Variants in HRH4 observed in about 807,000 individuals in gnomAD.
The protein encoded by HRH4 is histamine H4 receptor.
A neutral mutation model predicts 10.4 loss-of-function variants in HRH4; 12 were observed. The observed-to-expected ratio is 1.15, with a 90% CI of 0.74 to 1.87. HRH4 has a LOEUF of 1.87. HRH4 is among the 40% of genes most tolerant of loss of function. The pLI, the probability that HRH4 is intolerant of heterozygous loss-of-function variation, is 0.00. For synonymous variants in HRH4, 154 were observed against 166.6 expected, an observed-to-expected ratio of 0.92 and a Z score of 0.58; for missense variants, 415 against 453.3, an observed-to-expected ratio of 0.92 and a Z score of 0.77.
chr18:24,473,517 C>T (rs1399178794), intron 2 of HRH4, among the ~76,000 whole-genome samples: 2 of 152,188 alleles, frequency 1.3e-5, no homozygotes, highest in African/African-American at 4.8e-5. Flanking sequence ...ATGCGTCCCT[C>T]CAGTCTTTAC....
intron 1 of HRH4, 61 bp from the exon 2 acceptor site, chr18:24,468,727 C>T: frequency 7.1e-7 from 1 of 1,414,428 alleles, no homozygotes; most frequent in South Asian, 1.4e-5. Context: ...GCCATTAAAA[C>T]ATGCACATTT....
chr18:24,464,610 T>C (rs1283341294), intron 1 of HRH4, among the ~76,000 whole-genome samples: 2 of 152,100 alleles, frequency 1.3e-5, no homozygotes, highest in Non-Finnish European at 2.9e-5. Flanking sequence ...ATTGCCATTT[T>C]CTCATGGAAG....
intron 1 of HRH4, among the ~76,000 whole-genome samples, chr18:24,466,854 C>G (rs901008793): frequency 6.6e-6 from 1 of 152,222 alleles, no homozygotes; most frequent in African/African-American, 2.4e-5. Context: ...TTCTTAGCAA[C>G]TAATCACACC....
At position 24,478,569 on chromosome 18, in the gene HRH4, C is replaced by T. The variant is rs533679235; in HGVS notation, c.*1007C>T. The T allele has an allele frequency of 6.6e-6, 1 of 152,452 alleles. No individual in the cohort carries two copies. Among genetic ancestry groups the T allele is most frequent in the Non-Finnish European group, 1.5e-5 (1 of 68,164 alleles). 9.4% of individuals were successfully genotyped at this position (152,452 alleles called of 1,614,324 possible). ...AAGTAGCTGGTTGTGGCGCCGCATG[C>T]CTGTAGTCCCAGCTACTCGGGAGGC... On this transcript the variant is annotated 3_prime_UTR_variant, in exon 3 of 3. Transcript: ENST00000256906.
At position 24,478,962 on chromosome 18, in the gene HRH4, G is replaced by C. The variant is rs544675127; in HGVS notation, c.*1400G>C. ...AGACAGATTCTTGCTCTGTCACCCA[G>C]GCTGGAGTGCAGTAGCATGATCAGG... On this transcript the variant is annotated 3_prime_UTR_variant, in exon 3 of 3. Coordinates refer to ENST00000256906, the MANE Select transcript of HRH4 (RefSeq NM_021624.4). 6.6e-6 allele frequency: 1 copy of C among 152,302 alleles called. No individual in the cohort carries two copies. Among genetic ancestry groups the C allele is most frequent in the Non-Finnish European group, 1.5e-5 (1 of 68,042 alleles). 9.4% of individuals were successfully genotyped at this position (152,302 alleles called of 1,614,324 possible).
rs1358639113 is a variant in HRH4, at chr18:24,465,147, G to C, written c.194-3641G>C. On this transcript the variant is annotated intron_variant, in intron 1 of 2. Transcript: ENST00000256906. ...TACTAAAAATACAAAAATTAGCCGGGCGTGGTGGCGTGTGCCTGTAATCCC... is the reference window on the plus strand; with the variant it reads ...TACTAAAAATACAAAAATTAGCCGGCCGTGGTGGCGTGTGCCTGTAATCCC... 3.9e-5 allele frequency among the ~76,000 whole-genome samples: 6 copies of C among 152,202 alleles called. No homozygotes were observed. The East Asian group carries it at 5.8e-4, about 15-fold the overall frequency.
At position 24,479,525 on chromosome 18, in the gene HRH4, T is replaced by G. The variant is rs1910251132; in HGVS notation, c.*1963T>G. 6.6e-6 allele frequency: 1 copy of G among 152,270 alleles called. No homozygotes were observed. The highest frequency in any genetic ancestry group is 1.5e-5 in the Non-Finnish European group (1 of 68,058). 9.4% of individuals were successfully genotyped at this position (152,270 alleles called of 1,614,324 possible). A position where few individuals can be genotyped will look rare whatever the true frequency, so the allele number is the denominator to read the frequency against. ...GTGCAGTGGCATGCTCTCAGCTCAC[T>G]GCAGCCCTGACTGCCTAGGCTCCAG... is the stretch of plus-strand genomic sequence containing the variant. On this transcript the variant is annotated 3_prime_UTR_variant, in exon 3 of 3. Coordinates refer to ENST00000256906, the MANE Select transcript of HRH4 (RefSeq NM_021624.4).
At chr18:24,472,029 T>G (rs918758102) in intron 2 of HRH4, among the ~76,000 whole-genome samples, 3 of 151,962 alleles carry the variant, frequency 2.0e-5, no homozygotes, top group African/African-American at 7.3e-5. Flanking sequence ...TTCTTTTTGT[T>G]TTTTTGCTTT....
intron 2 of HRH4, among the ~76,000 whole-genome samples, chr18:24,476,010 CAAAT>C (rs1343007829): frequency 6.6e-6 from 1 of 151,818 alleles, no homozygotes. Context: ...CTGTCTCAAA[CAAAT>C]AAAATAAAAT....
intron 2 of HRH4, among the ~76,000 whole-genome samples, chr18:24,472,265 T>C (rs677996): frequency 0.9 from 136,441 of 152,208 alleles, 61,466 homozygotes; most frequent in African/African-American, 0.94. Context: ...AGGGTGATTT[T>C]GAACTCCTGA....
chr18:24,465,288 A>G lies in HRH4; in HGVS notation c.194-3500A>G, dbSNP rs532152427. 1.1e-3 allele frequency among the ~76,000 whole-genome samples: 174 copies of G among 152,178 alleles called. 4 individuals are homozygous for G. In the South Asian group the frequency reaches 0.035, roughly 30 times the overall value. On this transcript the variant is annotated intron_variant, in intron 1 of 2. Transcript: ENST00000256906. ...GGGTGACAGAGCCAGACTGCGTCAA[A>G]AAACAAACAAACAAAACAAAAAGGA...
rs775120560 is a variant in HRH4 at position 24,460,874 on chromosome 18, G to A, written c.146G>A (p.Arg49Gln). 2.7e-5 allele frequency: 43 copies of A among 1,586,312 alleles called. No homozygotes were observed. In the South Asian group the frequency reaches 3.5e-4, roughly 13 times the overall value. The change falls in exon 1 of 3, where the codon CGA becomes CAA. Residue 49 changes from arginine to glutamine, a missense_variant. Coordinates refer to ENST00000256906, the MANE Select transcript of HRH4 (RefSeq NM_021624.4). ...AFVVDKNLRH[R>Q]SSYFFLNLAI... Reference sequence around the variant, plus strand: ...GTGGTGGACAAAAACCTTAGACATCGAAGTAGTTATTTTTTTCTTAACTTG... The same window carrying A: ...GTGGTGGACAAAAACCTTAGACATCAAAGTAGTTATTTTTTTCTTAACTTG...
At chr18:24,465,339 C>G (rs930801141) in intron 1 of HRH4, among the ~76,000 whole-genome samples, 1 of 151,832 alleles carries the variant, frequency 6.6e-6, no homozygotes, top group Non-Finnish European at 1.5e-5. Context: ...ACAGAAGGCG[C>G]CCTTGGGGGA....
chr18:24,463,616 G>A (rs1909696299), intron 1 of HRH4, among the ~76,000 whole-genome samples: 1 of 152,176 alleles, frequency 6.6e-6, no homozygotes. Context: ...GAGCTCCAGA[G>A]CCATGTGACC....
Position 24,462,370 on chromosome 18 carries a change from A to T in HRH4, c.193+1449A>T, listed in dbSNP as rs142217179. Among the ~76,000 whole-genome samples, 5 of 152,266 alleles carry T rather than the reference A, an allele frequency of 3.3e-5. No homozygotes were observed. In the East Asian group the frequency reaches 9.6e-4, roughly 29 times the overall value. On this transcript the variant is annotated intron_variant, in intron 1 of 2. Coordinates refer to ENST00000256906, the MANE Select transcript of HRH4 (RefSeq NM_021624.4). ...GAGTGGTTGAACAGATCAAAGCTTT[A>T]CTTTAGAGACATCGGAAGAGCCGTA...
In HRH4 at chr18:24,469,148, C is replaced by G. The variant is rs572361891; in HGVS notation, c.357+197C>G. On this transcript the variant is annotated intron_variant, in intron 2 of 2. Coordinates refer to ENST00000256906, the MANE Select transcript of HRH4 (RefSeq NM_021624.4). ...CTTGGATAATTCACTCACCTATGCA[C>G]CATTGAAATGGGAAGGAATCAAAGA... 2.0e-5 allele frequency among the ~76,000 whole-genome samples: 3 copies of G among 152,232 alleles called. No homozygotes were observed. In the South Asian group the frequency reaches 6.2e-4, roughly 32 times the overall value.
At chr18:24,467,451 C>T (rs1442021486) in intron 1 of HRH4, among the ~76,000 whole-genome samples, 1 of 152,182 alleles carries the variant, frequency 6.6e-6, no homozygotes. Flanking sequence ...GGGTCACTTC[C>T]ACTGAGGAAG....
intron 1 of HRH4, among the ~76,000 whole-genome samples, chr18:24,463,740 G>A (rs1909700281): frequency 6.6e-6 from 1 of 152,124 alleles, no homozygotes; most frequent in Non-Finnish European, 1.5e-5. Context: ...TAAATTTGTG[G>A]CACCCAAGTT....
intron 1 of HRH4, among the ~76,000 whole-genome samples, chr18:24,462,117 G>A (rs574820877): frequency 2.6e-5 from 4 of 152,290 alleles, no homozygotes; most frequent in South Asian, 4.1e-4. Context: ...GAGATAGGGC[G>A]AAGGATTCTT....
Sources: gnomAD v4.1 joint callset for allele counts (sites outside exome capture counted in the v4.1 genomes callset) on GRCh38, gnomAD v4.1.1 for gene constraint, MANE v1.5 for transcripts, NCBI Gene and HGNC (gene_info 2026-07-23, HGNC 2026-07-21) for gene names.